The following STARD13 variants were observed in gnomAD, a reference collection of about 807,000 sequenced individuals.
STARD13 encodes the protein StAR related lipid transfer domain containing 13.
STARD13 carries 62 observed loss-of-function variants against 106.4 expected under a neutral mutation model. The observed-to-expected ratio is 0.58, with a 90% CI of 0.48 to 0.72. The LOEUF (loss-of-function observed/expected upper bound fraction) is 0.72. Ranked by LOEUF, STARD13 falls within the 30% of genes least tolerant of loss-of-function variation. The probability of loss-of-function intolerance (pLI) is 0.00; values close to 1 mark genes in which losing one functional copy is unlikely to be tolerated. For missense variants in STARD13, 1,387 were observed against 1,424.0 expected (o/e 0.97, Z 0.42); for synonymous variants, 565 against 553.0 (o/e 1.02, Z -0.31).
rs1423259484 is a variant in STARD13 at position 33,113,083 on chromosome 13, G to T, written c.2282-152C>A. On this transcript the variant is annotated intron_variant, in intron 8 of 13. Coordinates refer to ENST00000336934, the MANE Select transcript of STARD13 (RefSeq NM_178006.4). Reference sequence around the variant, plus strand: ...AGAACAGCAGGAAAGGCACAAAGAAGTCAGTAATTGCTGAGGCCTCGCAGC... The same window carrying T: ...AGAACAGCAGGAAAGGCACAAAGAATTCAGTAATTGCTGAGGCCTCGCAGC... 1.2e-4 allele frequency: 69 copies of T among 581,006 alleles called. No homozygotes were observed. In the East Asian group the frequency reaches 2.0e-3, roughly 17 times the overall value. The allele number at this position is 581,006 out of a possible 1,614,324, so 36.0% of individuals were successfully genotyped here. A position where few individuals can be genotyped will look rare whatever the true frequency, so the allele number is the denominator to read the frequency against.
the STARD13 span, among the ~76,000 whole-genome samples, chr13:33,583,251 C>G: frequency 1.3e-5 from 2 of 152,198 alleles, no homozygotes; most frequent in Admixed American, 6.5e-5. Context: ...TTATCATAAT[C>G]CAAACATGGA....
At chr13:33,439,688 T>A in the STARD13 span, 1 of 1,264,612 alleles carries the variant, frequency 7.9e-7, no homozygotes, top group South Asian at 1.2e-5. Flanking sequence ...CAGGGAGACT[T>A]ACCCACTCTT....
chr13:33,332,664 C>T (rs1048381371), intron 1 of STARD13, among the ~76,000 whole-genome samples: 1 of 152,198 alleles, frequency 6.6e-6, no homozygotes, highest in African/African-American at 2.4e-5. Flanking sequence ...GTCAGAGCAG[C>T]CCACACCACC....
the STARD13 span, among the ~76,000 whole-genome samples, chr13:33,418,451 T>G: frequency 2.6e-5 from 4 of 152,178 alleles, no homozygotes; most frequent in South Asian, 8.3e-4. Flanking sequence ...TCAAACTGGG[T>G]GGAGCCCACC....
chr13:33,564,790 G>T, the STARD13 span, among the ~76,000 whole-genome samples: 1 of 146,200 alleles, frequency 6.8e-6, no homozygotes, highest in Non-Finnish European at 1.5e-5. Flanking sequence ...TCAGGAGATC[G>T]AGACCATCCT....
At chr13:33,380,691 C>G in the STARD13 span, among the ~76,000 whole-genome samples, 1 of 151,992 alleles carries the variant, frequency 6.6e-6, no homozygotes, top group Non-Finnish European at 1.5e-5. Context: ...GAACAAAGTT[C>G]CCAGAGAAGC....
chr13:33,315,020 T>A (rs1401127082), intron 1 of STARD13, among the ~76,000 whole-genome samples: 12 of 152,200 alleles, frequency 7.9e-5, no homozygotes, highest in Non-Finnish European at 8.8e-5. Flanking sequence ...CATTGGAAGT[T>A]ATAATGTACA....
chr13:33,576,906 C>T, the STARD13 span, among the ~76,000 whole-genome samples: 2 of 152,148 alleles, frequency 1.3e-5, no homozygotes, highest in Non-Finnish European at 2.9e-5. Flanking sequence ...ATTTTAATAA[C>T]TTAATGCTTT....
chr13:33,142,195 T>TTTA, intron 4 of STARD13, 115 bp downstream of exon 4: 6 of 812,432 alleles, frequency 7.4e-6, no homozygotes, highest in Non-Finnish European at 8.1e-6. Flanking sequence ...GCCCAGCTAA[T>TTTA]TTATTATTAT....
intron 1 of STARD13, among the ~76,000 whole-genome samples, chr13:33,322,625 G>A (rs1255300782): frequency 2.0e-5 from 3 of 152,192 alleles, no homozygotes; most frequent in Non-Finnish European, 2.9e-5. Context: ...GCGCAGTGAC[G>A]TAAAAAGCTG....
At chr13:33,362,341 T>C in the STARD13 span, among the ~76,000 whole-genome samples, 6 of 152,082 alleles carry the variant, frequency 3.9e-5, no homozygotes, top group African/African-American at 1.4e-4. Context: ...GCTAAACTAT[T>C]CATGAGTGAT....
the STARD13 span, among the ~76,000 whole-genome samples, chr13:33,600,594 G>A: frequency 2.6e-5 from 4 of 151,980 alleles, no homozygotes; most frequent in Admixed American, 6.6e-5. Flanking sequence ...AAAGGTATAC[G>A]GTATTCCTAT....
chr13:33,331,933 T>C (rs1419127061), intron 1 of STARD13, among the ~76,000 whole-genome samples: 1 of 152,206 alleles, frequency 6.6e-6, no homozygotes, highest in Non-Finnish European at 1.5e-5. Flanking sequence ...TTTTGTATAA[T>C]TGAGACATTA....
intron 1 of STARD13, among the ~76,000 whole-genome samples, chr13:33,279,009 T>G (rs1166193980): frequency 6.6e-6 from 1 of 152,198 alleles, no homozygotes; most frequent in Non-Finnish European, 1.5e-5. Context: ...ACGGCAAATA[T>G]TTTTTATGTG....
Position 33,130,091 on chromosome 13 carries a change from A to G in STARD13, c.586T>C (p.Cys196Arg). The change falls in exon 5 of 14, where the codon TGC becomes CGC. Residue 196 changes from cysteine to arginine, a missense_variant. Coordinates refer to ENST00000336934, the MANE Select transcript of STARD13 (RefSeq NM_178006.4). The surrounding 1 kb of genome is among the most constrained non-coding windows in gnomAD (Gnocchi z 4.1). ...CCACTGCTTTCGCTGTGAATGGAGC[A>G]GACCTCAGGCTCGCTCAGGTCTGTG... is the stretch of plus-strand genomic sequence containing the variant. ...VLTDLSEPEV[C>R]SIHSESSGGS... The G allele has an allele frequency of 6.2e-7, 1 of 1,614,084 alleles. No homozygotes were observed. Among genetic ancestry groups the G allele is most frequent in the Non-Finnish European group, 8.5e-7 (1 of 1,180,016 alleles).
At chr13:33,117,859 G>T (rs991592917) in intron 8 of STARD13, 178 of 985,112 alleles carry the variant, frequency 1.8e-4, no homozygotes, top group Non-Finnish European at 2.1e-4. Flanking sequence ...ATGTCAAAAA[G>T]GTATTTTCAA....
chr13:33,359,186 T>G, the STARD13 span, among the ~76,000 whole-genome samples: 2 of 152,052 alleles, frequency 1.3e-5, no homozygotes, highest in African/African-American at 4.8e-5. Context: ...TACTGCTCAC[T>G]CTTTGGGTCC....
At chr13:33,183,898 G>A (rs187248059) in intron 1 of STARD13, among the ~76,000 whole-genome samples, 22 of 152,268 alleles carry the variant, frequency 1.4e-4, no homozygotes, top group African/African-American at 5.3e-4. Context: ...GGCATTCCTG[G>A]GGAATTGGAG....
chr13:33,131,292 C>T (rs186623309), intron 4 of STARD13, among the ~76,000 whole-genome samples: 17 of 152,306 alleles, frequency 1.1e-4, no homozygotes, highest in Admixed American at 7.8e-4. Flanking sequence ...TTCCCTCATT[C>T]GTAATTTCAC....
Sources: allele counts gnomAD v4.1 joint callset (sites outside exome capture counted in the v4.1 genomes callset), GRCh38; gene constraint gnomAD v4.1.1; non-coding constraint Gnocchi (gnomAD v3.1); transcripts MANE v1.5; gene names NCBI Gene and HGNC (gene_info 2026-07-23, HGNC 2026-07-21).